TTC29: variants seen among roughly 807,000 people sequenced by gnomAD.
TTC29 encodes the protein tetratricopeptide repeat protein 29.
A neutral mutation model predicts 58.1 loss-of-function variants in TTC29; 49 were observed. The ratio of observed to expected loss-of-function variants is 0.84; its 90% CI spans 0.67 to 1.07. TTC29 has a LOEUF of 1.07. TTC29 is among the 50% of genes least tolerant of loss of function. The pLI, the probability that TTC29 is intolerant of heterozygous loss-of-function variation, is 0.00. For synonymous variants in TTC29, 209 were observed against 196.8 expected, an observed-to-expected ratio of 1.06 and a Z score of -0.52; for missense variants, 582 against 555.6, an observed-to-expected ratio of 1.05 and a Z score of -0.48.
intron 4 of TTC29, among the ~76,000 whole-genome samples, chr4:146,916,417 T>C (rs1734225472): frequency 6.6e-6 from 1 of 151,698 alleles, no homozygotes; most frequent in Non-Finnish European, 1.5e-5. Context: ...AGAATTATAA[T>C]GAAAACTGAA....
chr4:146,828,818 C>A (rs1727978117), intron 9 of TTC29, among the ~76,000 whole-genome samples: 1 of 152,086 alleles, frequency 6.6e-6, no homozygotes, highest in African/African-American at 2.4e-5. Context: ...AAGTCATTTG[C>A]TTTACTCAAT....
chr4:146,771,387 GT>G (rs1462439868), intron 11 of TTC29, among the ~76,000 whole-genome samples: 24 of 151,966 alleles, frequency 1.6e-4, no homozygotes, highest in Non-Finnish European at 2.2e-4. Context: ...CTGATAGGTA[GT>G]TTTTCAATCC....
chr4:146,752,831 G>T (rs1391424559), intron 11 of TTC29, among the ~76,000 whole-genome samples: 2 of 152,146 alleles, frequency 1.3e-5, no homozygotes, highest in Non-Finnish European at 2.9e-5. Context: ...AATGGTGATG[G>T]GAAAACTGGC....
chr4:146,708,308 TTATATATATATATATATATATA>T (rs59963230), intron 11 of TTC29, among the ~76,000 whole-genome samples: 6 of 62,220 alleles, frequency 9.6e-5, no homozygotes, highest in South Asian at 5.8e-4. Flanking sequence ...TATGGGAAGT[TTATATATATATATATATATATA>T]TATATATATA....
intron 6 of TTC29, among the ~76,000 whole-genome samples, chr4:146,892,970 G>C (rs1228262732): frequency 1.1e-4 from 16 of 152,214 alleles, no homozygotes; most frequent in South Asian, 1.0e-3. Context: ...ATCCAACTTA[G>C]AAGGGACATG....
At chr4:146,815,839 CA>C (rs1751361341) in intron 10 of TTC29, among the ~76,000 whole-genome samples, 1 of 151,994 alleles carries the variant, frequency 6.6e-6, no homozygotes, top group South Asian at 2.1e-4. Context: ...AACAGAAGGG[CA>C]AAAAACACAA....
At chr4:146,928,005 C>T (rs1351151907) in intron 4 of TTC29, among the ~76,000 whole-genome samples, 1 of 152,048 alleles carries the variant, frequency 6.6e-6, no homozygotes, top group Non-Finnish European at 1.5e-5. Flanking sequence ...ATTGCAATGG[C>T]AATACAGTGC....
chr4:146,721,714 G>C (rs1285386455), intron 11 of TTC29, among the ~76,000 whole-genome samples: 1 of 152,044 alleles, frequency 6.6e-6, no homozygotes, highest in African/African-American at 2.4e-5. Context: ...AAAGCTGTGG[G>C]TTTGAAACGC....
In TTC29 at chr4:146,800,830, G is replaced by A. The variant is rs531040016; in HGVS notation, c.1330+2627C>T. On this transcript the variant is annotated intron_variant, in intron 11 of 12. Transcript: ENST00000325106. ...CAAGAACAAGGGCCTGTTTTCAAGAGACTTTTACCCTTAATCAGGCAGTTA... is the reference window on the plus strand; with the variant it reads ...CAAGAACAAGGGCCTGTTTTCAAGAAACTTTTACCCTTAATCAGGCAGTTA... Among the ~76,000 whole-genome samples the A allele has an allele frequency of 9.2e-5, 14 of 152,306 alleles. No homozygotes were observed. The South Asian group carries it at 2.9e-3, about 32-fold the overall frequency.
intron 11 of TTC29, among the ~76,000 whole-genome samples, chr4:146,750,886 T>C (rs1256132524): frequency 1.3e-5 from 2 of 152,186 alleles, no homozygotes; most frequent in Non-Finnish European, 2.9e-5. Flanking sequence ...TAACTTTGAA[T>C]GTAAATGGAT....
chr4:146,873,224 A>G lies in TTC29; in HGVS notation c.799+1492T>C, dbSNP rs116907223. Among the ~76,000 whole-genome samples, 21 of 152,288 alleles carry G rather than the reference A, an allele frequency of 1.4e-4. No individual in the cohort carries two copies. The East Asian group carries it at 3.9e-3, about 28-fold the overall frequency. On this transcript the variant is annotated intron_variant, in intron 7 of 12. Transcript: ENST00000325106. ...TCAGCTTGCTCCTTCAGGCTCCCTG[A>G]TCAAAGTAGGAGACAAGAGTAAAGG... is the stretch of plus-strand genomic sequence containing the variant.
At chr4:146,902,809 A>G (rs1019804072) in intron 6 of TTC29, among the ~76,000 whole-genome samples, 3 of 152,224 alleles carry the variant, frequency 2.0e-5, no homozygotes, top group Non-Finnish European at 2.9e-5. Context: ...AGTCCTATGC[A>G]GTCCTAGTCA....
In TTC29 at chr4:146,867,561, C is replaced by T. The variant is rs771197308; in HGVS notation, c.822G>A (p.Ala274=). The change falls in exon 8 of 13, where the codon GCG becomes GCA. Residue 274 remains alanine (A), a synonymous_variant. Transcript: ENST00000325106. ...CTAAGCCCAAGTAGTAAGAGGCTTC[C>T]GCTTCCATCTTTTTGTCACTTCCTG... ...AKEGSDKKME[A]EASYYLGLAH... is the part of the protein sequence containing the mutation. 22 of 1,533,594 alleles carry T rather than the reference C, an allele frequency of 1.4e-5. No individual in the cohort carries two copies. In the East Asian group the frequency reaches 2.2e-4, roughly 15 times the overall value. 95.0% of individuals were successfully genotyped at this position (1,533,594 alleles called of 1,614,324 possible). A position where few individuals can be genotyped will look rare whatever the true frequency, so the allele number is the denominator to read the frequency against.
At chr4:146,883,950 A>G (rs1197027775) in intron 6 of TTC29, among the ~76,000 whole-genome samples, 3 of 152,120 alleles carry the variant, frequency 2.0e-5, no homozygotes, top group African/African-American at 7.2e-5. Context: ...GTTTAAAGAT[A>G]TATCAGACTT....
intron 6 of TTC29, among the ~76,000 whole-genome samples, chr4:146,896,286 A>G (rs1164577484): frequency 6.6e-6 from 1 of 152,206 alleles, no homozygotes; most frequent in African/African-American, 2.4e-5. Context: ...AGTTTGCTCT[A>G]TAGCCCTCAA....
intron 8 of TTC29, among the ~76,000 whole-genome samples, chr4:146,839,535 CGTGTGTGTGT>C (rs5862775): frequency 1.1e-3 from 149 of 140,560 alleles, no homozygotes; most frequent in African/African-American, 3.1e-3. Flanking sequence ...TACATGAACT[CGTGTGTGTGT>C]GTGTGTGTGT....
intron 6 of TTC29, among the ~76,000 whole-genome samples, chr4:146,877,149 T>G (rs1398154195): frequency 1.3e-5 from 2 of 152,042 alleles, no homozygotes; most frequent in Non-Finnish European, 2.9e-5. Flanking sequence ...CATAAACAAG[T>G]GTTTATAATA....
At chr4:146,899,314 A>G (rs1315584359) in intron 6 of TTC29, among the ~76,000 whole-genome samples, 1 of 152,224 alleles carries the variant, frequency 6.6e-6, no homozygotes, top group East Asian at 1.9e-4. Context: ...CAGCTCTAGA[A>G]TGAATGGGAA....
At chr4:146,813,006 A>C (rs1170236975) in intron 10 of TTC29, 1 of 152,240 alleles carries the variant, frequency 6.6e-6, no homozygotes, top group Non-Finnish European at 1.5e-5. Flanking sequence ...GTTTAATGTT[A>C]TTAATATTCC....
Sources: allele counts gnomAD v4.1 joint callset (sites outside exome capture counted in the v4.1 genomes callset), GRCh38; gene constraint gnomAD v4.1.1; transcripts MANE v1.5; gene names NCBI Gene and HGNC (gene_info 2026-07-23, HGNC 2026-07-21).